Variants in FANCI observed in about 807,000 individuals in gnomAD.
FANCI encodes the protein FA complementation group I.
In FANCI, 156 loss-of-function variants were observed where a neutral mutation model predicts 176.1. The observed-to-expected ratio is 0.89, with a 90% CI of 0.78 to 1.01. FANCI has a LOEUF of 1.01. FANCI is among the 50% of genes least tolerant of loss of function. FANCI has a pLI of 0.00. For missense variants in FANCI, 1,678 were observed against 1,534.1 expected (o/e 1.09, Z -1.57); for synonymous variants, 613 against 541.7 (o/e 1.13, Z -1.83).
At position 89,307,653 on chromosome 15, in the gene FANCI, C is replaced by G; in HGVS notation, c.3632C>G (p.Ser1211Cys). 6.2e-7 allele frequency: 1 copy of G among 1,614,140 alleles called. No individual in the cohort carries two copies. Among genetic ancestry groups the G allele is most frequent in the Middle Eastern group, 1.6e-4 (1 of 6,062 alleles). Reference sequence around the variant, plus strand: ...TCTCATCTGACCCCCCTGTGTTATTCTTTCATTTCTTACGTACAGGTAAGA... The same window carrying G: ...TCTCATCTGACCCCCCTGTGTTATTGTTTCATTTCTTACGTACAGGTAAGA... ...SGSHLTPLCY[S>C]FISYVQNKSK... Residue 1211 changes from serine to cysteine, a missense_variant, in exon 34 of 38, where the codon TCT becomes TGT. Physicochemically the swap from Ser to Cys is moderately radical, Grantham distance 112. Transcript: ENST00000310775.
At chr15:89,277,611 C>CA (rs554395033) in intron 13 of FANCI, among the ~76,000 whole-genome samples, 1,561 of 48,568 alleles carry the variant, frequency 0.032, 18 homozygotes, top group South Asian at 0.04. Context: ...GATCCTATCT[C>CA]AAAAAAAAAA....
intron 16 of FANCI, chr15:89,282,155 C>T (rs2053639528): frequency 5.4e-6 from 2 of 371,222 alleles, no homozygotes; most frequent in South Asian, 2.3e-5. Flanking sequence ...TCAGGTCTAA[C>T]ATCAGAGCTT....
chr15:89,261,442 C>T, intron 4 of FANCI, 143 bp from the exon 5 acceptor site: 1 of 1,010,900 alleles, frequency 9.9e-7, no homozygotes, highest in Admixed American at 1.8e-5. Context: ...CCAGACAGAG[C>T]AGAATGATTC....
At chr15:89,303,794 C>G (rs970646651) in intron 27 of FANCI, 70 bp from the exon 28 acceptor site, 6 of 1,386,770 alleles carry the variant, frequency 4.3e-6, no homozygotes, top group African/African-American at 1.4e-5. Context: ...GTCTAGAACT[C>G]TTCTGTTCTG....
At chr15:89,300,788 T>C (rs557623219) in intron 26 of FANCI, among the ~76,000 whole-genome samples, 20 of 152,344 alleles carry the variant, frequency 1.3e-4, no homozygotes, top group African/African-American at 4.8e-4. Context: ...GGATGTTCTA[T>C]CACAGGAGTT....
intron 2 of FANCI, among the ~76,000 whole-genome samples, chr15:89,250,810 A>T (rs1240308985): frequency 6.6e-6 from 1 of 151,598 alleles, no homozygotes; most frequent in East Asian, 1.9e-4. Context: ...CAAAAATACT[A>T]CATGTTAAAA....
intron 3 of FANCI, 112 bp from the exon 4 acceptor site, chr15:89,260,601 A>T: frequency 7.3e-7 from 1 of 1,368,348 alleles, no homozygotes; most frequent in Non-Finnish European, 1.0e-6. Flanking sequence ...CGTAGTAATC[A>T]GTCGTTTGAT....
chr15:89,270,344 A>T (rs1346455345), intron 10 of FANCI, among the ~76,000 whole-genome samples: 1 of 152,226 alleles, frequency 6.6e-6, no homozygotes, highest in African/African-American at 2.4e-5. Flanking sequence ...ATTTATAGGT[A>T]CATATGTATC....
At chr15:89,313,043 G>A in intron 35 of FANCI, 71 bp downstream of exon 35, 1 of 1,396,034 alleles carries the variant, frequency 7.2e-7, no homozygotes, top group Non-Finnish European at 1.0e-6. Context: ...GAAGAAGCCA[G>A]TGACAAAAAG....
chr15:89,315,468 G>C, intron 37 of FANCI, 79 bp downstream of exon 37: 1 of 951,816 alleles, frequency 1.1e-6, no homozygotes, highest in Non-Finnish European at 1.7e-6. Flanking sequence ...TCACAGATTA[G>C]TGGAAGGGCA....
At chr15:89,293,691 T>C (rs1339124089) in intron 22 of FANCI, 142 bp from the exon 23 acceptor site, 1 of 901,734 alleles carries the variant, frequency 1.1e-6, no homozygotes, top group African/African-American at 1.7e-5. Flanking sequence ...CTGGGAGTAT[T>C]ATATTAATGA....
chr15:89,258,916 G>A, intron 3 of FANCI, 140 bp downstream of exon 3: 1 of 707,060 alleles, frequency 1.4e-6, no homozygotes. Flanking sequence ...AACTACAGCA[G>A]CAGTTTCCTG....
At chr15:89,285,598 C>A (rs1020338926) in intron 18 of FANCI, among the ~76,000 whole-genome samples, 1 of 152,194 alleles carries the variant, frequency 6.6e-6, no homozygotes, top group Non-Finnish European at 1.5e-5. Flanking sequence ...ACCCAGGCAA[C>A]AGTGAGACCT....
intron 10 of FANCI, among the ~76,000 whole-genome samples, chr15:89,269,356 C>T (rs2053108785): frequency 6.6e-6 from 1 of 151,788 alleles, no homozygotes; most frequent in South Asian, 2.1e-4. Context: ...ATTTATATTC[C>T]CTATTCACAT....
At chr15:89,295,754 T>G (rs2054241626) in intron 24 of FANCI, among the ~76,000 whole-genome samples, 1 of 140,126 alleles carries the variant, frequency 7.1e-6, no homozygotes, top group Admixed American at 7.0e-5. Context: ...TTTTTTTTTT[T>G]GTTGTTGTTG....
At chr15:89,312,515 C>T (rs912233174) in intron 34 of FANCI, among the ~76,000 whole-genome samples, 1 of 152,214 alleles carries the variant, frequency 6.6e-6, no homozygotes, top group Non-Finnish European at 1.5e-5. Context: ...GTGTAATTAC[C>T]TTCTAAGAAA....
chr15:89,301,953 T>C (rs2054538724), intron 27 of FANCI, among the ~76,000 whole-genome samples: 1 of 152,194 alleles, frequency 6.6e-6, no homozygotes, highest in Admixed American at 6.5e-5. Flanking sequence ...AGAGATAGGT[T>C]GTATGTATGT....
At chr15:89,284,348 T>C (rs2053736178) in intron 17 of FANCI, among the ~76,000 whole-genome samples, 1 of 152,222 alleles carries the variant, frequency 6.6e-6, no homozygotes, top group South Asian at 2.1e-4. Context: ...CATTTATATA[T>C]AACAGTTTGA....
At chr15:89,283,814 G>A (rs1596289503) in intron 17 of FANCI, among the ~76,000 whole-genome samples, 1 of 150,776 alleles carries the variant, frequency 6.6e-6, no homozygotes, top group South Asian at 2.1e-4. Context: ...GTGCAGTGGC[G>A]CGATCTCGGC....
Sources: gnomAD v4.1 joint callset for allele counts (sites outside exome capture counted in the v4.1 genomes callset) on GRCh38, gnomAD v4.1.1 for gene constraint, MANE v1.5 for transcripts, NCBI Gene and HGNC (gene_info 2026-07-23, HGNC 2026-07-21) for gene names.